IGLL1: variants seen among roughly 807,000 people sequenced by gnomAD.
The protein encoded by IGLL1 is immunoglobulin lambda-like polypeptide 1.
In IGLL1, 10 loss-of-function variants were observed where a neutral mutation model predicts 10.5. The ratio of observed to expected loss-of-function variants is 0.95; its 90% CI spans 0.59 to 1.62. IGLL1 has a LOEUF of 1.62. Ranked by LOEUF, IGLL1 falls within the 40% of genes most tolerant of loss-of-function variation. The pLI, the probability that IGLL1 is intolerant of heterozygous loss-of-function variation, is 0.00. For synonymous variants in IGLL1, 141 were observed against 122.7 expected, an observed-to-expected ratio of 1.15 and a Z score of -0.99; for missense variants, 284 against 278.7, an observed-to-expected ratio of 1.02 and a Z score of -0.14.
rs1924988344 is a variant in IGLL1, at chr22:23,575,023, G to A, written c.266C>T (p.Ser89Phe). ...GPRCWPRGFQ[S>F]KHNSVTHVFG... ...CACATGCGTCACTGAGTTATGCTTG[G>A]ATTGAAACCCCCGGGGCCAGCACCT... The change falls in exon 2 of 3, where the codon TCC (serine) becomes TTC (phenylalanine). Residue 89 changes from serine (S) to phenylalanine (F), a missense_variant. Coordinates refer to ENST00000330377, the MANE Select transcript of IGLL1 (RefSeq NM_020070.4). The A allele has an allele frequency of 3.1e-6, 5 of 1,614,162 alleles. No homozygotes were observed. Among genetic ancestry groups the A allele is most frequent in the Non-Finnish European group, 4.2e-6 (5 of 1,180,000 alleles).
chr22:23,575,295 G>A (rs1925005835), intron 1 of IGLL1, among the ~76,000 whole-genome samples: 1 of 152,158 alleles, frequency 6.6e-6, no homozygotes, highest in Non-Finnish European at 1.5e-5. Flanking sequence ...AACTCCCTGA[G>A]TGACACATCC....
Position 23,573,686 on chromosome 22 carries a change from C to T in IGLL1, c.323-101G>A, listed in dbSNP as rs552420063. The T allele has an allele frequency of 1.6e-4, 147 of 907,874 alleles. No homozygotes were observed. In the African/African-American group the frequency reaches 2.1e-3, roughly 13 times the overall value. 56.2% of individuals were successfully genotyped at this position (907,874 alleles called of 1,614,324 possible). ...GTCTCTGGGAGGGTTCATGGTGTGG[C>T]CGCCTGGTCCACCCAGGGCCTCTCC... On this transcript the variant is annotated intron_variant, in intron 2 of 2. Transcript: ENST00000330377.
Position 23,573,333 on chromosome 22 carries a change from T to C in IGLL1, c.575A>G (p.Tyr192Cys). 1 of 1,614,088 alleles carries C rather than the reference T, an allele frequency of 6.2e-7. No homozygotes were observed. The highest frequency in any genetic ancestry group is 1.7e-4 in the Middle Eastern group (1 of 6,056). ...CCCTTCGTGCATGACCTGGCAGCTG[T>C]AGCTTCTGCGGGACCTCCACTGCTC... Reference protein sequence around the residue: ...TPEQWRSRRSYSCQVMHEGST... With the variant: ...TPEQWRSRRSCSCQVMHEGST... The change falls in exon 3 of 3, where the codon TAC becomes TGC. Residue 192 changes from tyrosine (Y) to cysteine (C), a missense_variant. Transcript: ENST00000330377.
In IGLL1 at chr22:23,573,425, C is replaced by T; in HGVS notation, c.483G>A (p.Glu161=). 6.2e-7 allele frequency: 1 copy of T among 1,613,992 alleles called. No individual in the cohort carries two copies. Among genetic ancestry groups the T allele is most frequent in the East Asian group, 2.2e-5 (1 of 44,860 alleles). Residue 161 remains glutamate, a synonymous_variant, in exon 3 of 3, where the codon GAG becomes GAA. Coordinates refer to ENST00000330377, the MANE Select transcript of IGLL1 (RefSeq NM_020070.4). ...ADGTPITQGV[E]MTTPSKQSNN... ...TGCTCTGTTTGGAGGGCGTGGTCATCTCCACGCCCTGGGTGATGGGGGTAC... is the reference window on the plus strand; with the variant it reads ...TGCTCTGTTTGGAGGGCGTGGTCATTTCCACGCCCTGGGTGATGGGGGTAC...
intron 1 of IGLL1, among the ~76,000 whole-genome samples, chr22:23,577,932 T>C (rs1235214966): frequency 6.7e-6 from 1 of 150,156 alleles, no homozygotes; most frequent in Non-Finnish European, 1.5e-5. Flanking sequence ...TCGTCCAGGC[T>C]GGAGTGCAGC....
Position 23,580,263 on chromosome 22 carries a change from C to T in IGLL1, c.-73G>A. ...TCCCTAGAGAGTGGTGCCCTGGTCC[C>T]TCTCGCTGGCAGCAGCTGTCCCATT... is the stretch of plus-strand genomic sequence containing the variant. On this transcript the variant is annotated 5_prime_UTR_variant, in exon 1 of 3. Coordinates refer to ENST00000330377, the MANE Select transcript of IGLL1 (RefSeq NM_020070.4). 6.5e-7 allele frequency: 1 copy of T among 1,530,154 alleles called. No homozygotes were observed. Among genetic ancestry groups the T allele is most frequent in the Non-Finnish European group, 8.7e-7 (1 of 1,143,670 alleles). 94.8% of individuals were successfully genotyped at this position (1,530,154 alleles called of 1,614,324 possible).
intron 1 of IGLL1, among the ~76,000 whole-genome samples, chr22:23,577,087 A>G (rs560268135): frequency 6.6e-6 from 1 of 152,342 alleles, no homozygotes; most frequent in East Asian, 1.9e-4. Context: ...ATTTAAAAAT[A>G]ATTAACATTC....
rs1342167164 is a variant in IGLL1 at position 23,575,061 on chromosome 22, G to A, written c.228C>T (p.Ser76=). The change falls in exon 2 of 3, where the codon TCC becomes TCT. Residue 76 remains serine (S), a synonymous_variant. Coordinates refer to ENST00000330377, the MANE Select transcript of IGLL1 (RefSeq NM_020070.4). ...GGGGCCAGCACCTGGGGCCAGTCCAGGAGCCGCGCTGGAGCAGGAACCTGC... is the reference window on the plus strand; with the variant it reads ...GGGGCCAGCACCTGGGGCCAGTCCAAGAGCCGCGCTGGAGCAGGAACCTGC... ...RWGRFLLQRG[S]WTGPRCWPRG... is the part of the protein sequence containing the mutation. 2 of 1,613,952 alleles carry A rather than the reference G, an allele frequency of 1.2e-6. No individual in the cohort carries two copies. The highest frequency in any genetic ancestry group is 2.7e-5 in the African/African-American group (2 of 74,918).
intron 1 of IGLL1, among the ~76,000 whole-genome samples, chr22:23,576,587 C>G (rs1450028383): frequency 1.3e-5 from 2 of 152,000 alleles, no homozygotes; most frequent in African/African-American, 4.8e-5. Context: ...TGTGCCAGCA[C>G]ACTTGGCTAA....
intron 1 of IGLL1, among the ~76,000 whole-genome samples, chr22:23,577,533 C>CTTTTTTTTTTTTTTTTTTT (rs869071437): frequency 8.7e-6 from 1 of 115,046 alleles, no homozygotes. Context: ...AATAATCAGT[C>CTTTTTTTTTTTTTTTTTTT]TTTTTTTTTT....
rs1035529605 is a variant in IGLL1, at chr22:23,574,851, G to A, written c.322+116C>T. The A allele has an allele frequency of 7.9e-6, 6 of 761,720 alleles. No individual in the cohort carries two copies. In the Admixed American group the frequency reaches 8.0e-5, roughly 10 times the overall value. 47.2% of individuals were successfully genotyped at this position (761,720 alleles called of 1,614,324 possible). A position where few individuals can be genotyped will look rare whatever the true frequency, so the allele number is the denominator to read the frequency against. Reference sequence around the variant, plus strand: ...ATCTCCTCCAGGCCCCATGGACAAAGGTAGGGGTCAGTGCTTAAGGCTGGG... The same window carrying A: ...ATCTCCTCCAGGCCCCATGGACAAAAGTAGGGGTCAGTGCTTAAGGCTGGG... On this transcript the variant is annotated intron_variant, in intron 2 of 2. Coordinates refer to ENST00000330377, the MANE Select transcript of IGLL1 (RefSeq NM_020070.4).
Position 23,573,437 on chromosome 22 carries a change from G to T in IGLL1, c.471C>A (p.Thr157=), listed in dbSNP as rs1412884720. Reference sequence around the variant, plus strand: ...AGGGCGTGGTCATCTCCACGCCCTGGGTGATGGGGGTACCATCTGCCTTCC... The same window carrying T: ...AGGGCGTGGTCATCTCCACGCCCTGTGTGATGGGGGTACCATCTGCCTTCC... The part of the protein sequence containing the change: ...VTWKADGTPI[T]QGVEMTTPSK... The change falls in exon 3 of 3, where the codon ACC becomes ACA. Residue 157 remains threonine (T), a synonymous_variant. Transcript: ENST00000330377. 1 of 1,614,016 alleles carries T rather than the reference G, an allele frequency of 6.2e-7. No individual in the cohort carries two copies. The highest frequency in any genetic ancestry group is 1.7e-5 in the Admixed American group (1 of 60,028).
chr22:23,575,475 A>C (rs538120008), intron 1 of IGLL1, among the ~76,000 whole-genome samples: 12 of 152,054 alleles, frequency 7.9e-5, no homozygotes, highest in Non-Finnish European at 1.8e-4. Context: ...TCAAGAGGAG[A>C]GTCCTCTGCT....
chr22:23,575,058 C>T lies in IGLL1; in HGVS notation c.231G>A (p.Trp77Ter). 1.2e-6 allele frequency: 2 copies of T among 1,614,008 alleles called. No individual in the cohort carries two copies. The highest frequency in any genetic ancestry group is 1.7e-6 in the Non-Finnish European group (2 of 1,179,902). Residue 77 changes from tryptophan (W) to a stop codon, truncating the protein, a stop_gained, in exon 2 of 3, where the codon TGG becomes TGA. Coordinates refer to ENST00000330377, the MANE Select transcript of IGLL1 (RefSeq NM_020070.4). LOFTEE classifies it high-confidence loss of function. The stretch of plus-strand genomic sequence containing the variant: ...CCCGGGGCCAGCACCTGGGGCCAGT[C>T]CAGGAGCCGCGCTGGAGCAGGAACC... ...WGRFLLQRGS[W>*]TGPRCWPRGF... is the part of the protein sequence containing the mutation.
Position 23,573,368 on chromosome 22 carries a change from G to C in IGLL1, c.540C>G (p.Ser180Arg). 6.2e-7 allele frequency: 1 copy of C among 1,614,136 alleles called. No individual in the cohort carries two copies. Among genetic ancestry groups the C allele is most frequent in the Non-Finnish European group, 8.5e-7 (1 of 1,180,026 alleles). ...NNKYAASSYL[S>R]LTPEQWRSRR... Reference sequence around the variant, plus strand: ...GGGACCTCCACTGCTCGGGCGTCAGGCTCAGGTAGCTGCTGGCCGCGTACT... The same window carrying C: ...GGGACCTCCACTGCTCGGGCGTCAGCCTCAGGTAGCTGCTGGCCGCGTACT... The change falls in exon 3 of 3, where the codon AGC (serine) becomes AGG (arginine). Residue 180 changes from serine to arginine, a missense_variant. Ser to Arg is a moderately radical substitution (Grantham distance 110, BLOSUM62 -1). Transcript: ENST00000330377.
At position 23,573,517 on chromosome 22, in the gene IGLL1, C is replaced by A; in HGVS notation, c.391G>T (p.Ala131Ser). 1 of 1,613,910 alleles carries A rather than the reference C, an allele frequency of 6.2e-7. No individual in the cohort carries two copies. Among genetic ancestry groups the A allele is most frequent in the South Asian group, 1.1e-5 (1 of 91,076 alleles). ...TCATTCATGAGACACACCAGTGTAG[C>A]CTTGTTGGCTTGGAGCTCCTCAGAG... Reference protein sequence around the residue: ...PSSEELQANKATLVCLMNDFY... With the variant: ...PSSEELQANKSTLVCLMNDFY... Residue 131 changes from alanine (A) to serine (S), a missense_variant, in exon 3 of 3, where the codon GCT (alanine) becomes TCT (serine). Physicochemically the swap from Ala to Ser is moderately conservative, Grantham distance 99 (BLOSUM62 1). Transcript: ENST00000330377.
intron 2 of IGLL1, 68 bp from the exon 3 acceptor site, chr22:23,573,653 T>C: frequency 2.4e-6 from 3 of 1,254,608 alleles, no homozygotes; most frequent in Non-Finnish European, 3.5e-6. Flanking sequence ...CGCCTCTCTC[T>C]GTCTAAAGTC....
At position 23,573,171 on chromosome 22, in the gene IGLL1, G is replaced by T. The variant is rs1924855312; in HGVS notation, c.*95C>A. On this transcript the variant is annotated 3_prime_UTR_variant, in exon 3 of 3. Transcript: ENST00000330377. ...ATTTATTTAGGGTTTACTGGGTACA[G>T]GGAGAAGGGCTGGATGGCTTGGGAT... 8.5e-7 allele frequency: 1 copy of T among 1,170,962 alleles called. No homozygotes were observed. Among genetic ancestry groups the T allele is most frequent in the East Asian group, 2.3e-5 (1 of 42,900 alleles). The allele number at this position is 1,170,962 out of a possible 1,614,324, so 72.5% of individuals were successfully genotyped here. A position where few individuals can be genotyped will look rare whatever the true frequency, so the allele number is the denominator to read the frequency against.
rs527888131 is a variant in IGLL1 at position 23,580,270 on chromosome 22, T to C, written c.-80A>G. 10 of 1,527,480 alleles carry C rather than the reference T, an allele frequency of 6.5e-6. No individual in the cohort carries two copies. The East Asian group carries it at 2.5e-4, about 38-fold the overall frequency. 94.6% of individuals were successfully genotyped at this position (1,527,480 alleles called of 1,614,324 possible). The stretch of plus-strand genomic sequence containing the variant: ...AGAGTGGTGCCCTGGTCCCTCTCGC[T>C]GGCAGCAGCTGTCCCATTGCACCCC... On this transcript the variant is annotated 5_prime_UTR_variant, in exon 1 of 3. Transcript: ENST00000330377.
Sources: allele counts gnomAD v4.1 joint callset (sites outside exome capture counted in the v4.1 genomes callset), GRCh38; gene constraint gnomAD v4.1.1; transcripts MANE v1.5; gene names NCBI Gene and HGNC (gene_info 2026-07-23, HGNC 2026-07-21).